ZNF207: variants seen among roughly 807,000 people sequenced by gnomAD.
The protein encoded by ZNF207 is zinc finger protein 207.
ZNF207 carries 24 observed loss-of-function variants against 60.2 expected under a neutral mutation model. The ratio of observed to expected loss-of-function variants is 0.40; its 90% CI spans 0.29 to 0.56. The LOEUF is 0.56. Among genes scored for constraint, ZNF207 ranks in the 20% least tolerant of loss-of-function variants. ZNF207 has a pLI of 0.49. For synonymous variants in ZNF207, 236 were observed against 194.7 expected (o/e 1.21, Z -1.77); for missense variants, 452 against 636.6 (o/e 0.71, Z 3.12).
Position 32,378,400 on chromosome 17 carries a change from C to G in ZNF207, c.*8641C>G, listed in dbSNP as rs1300650709. 1 of 152,024 alleles carries G rather than the reference C, an allele frequency of 6.6e-6. No homozygotes were observed. The highest frequency in any genetic ancestry group is 2.4e-5 in the African/African-American group (1 of 41,432). 9.4% of individuals were successfully genotyped at this position (152,024 alleles called of 1,614,324 possible). A position where few individuals can be genotyped will look rare whatever the true frequency, so the allele number is the denominator to read the frequency against. On this transcript the variant is annotated 3_prime_UTR_variant, in exon 12 of 12. Coordinates refer to ENST00000394670, the MANE Select transcript of ZNF207 (RefSeq NM_001098507.2). ...AGAAAAAAGGCAAGTTTCCTCACATCTAGAAATGATAAATGGTGTACAGTC... is the reference window on the plus strand; with the variant it reads ...AGAAAAAAGGCAAGTTTCCTCACATGTAGAAATGATAAATGGTGTACAGTC...
Position 32,370,524 on chromosome 17 carries a change from A to G in ZNF207, c.*765A>G, listed in dbSNP as rs1905420056. On this transcript the variant is annotated 3_prime_UTR_variant, in exon 12 of 12. Coordinates refer to ENST00000394670, the MANE Select transcript of ZNF207 (RefSeq NM_001098507.2). The stretch of plus-strand genomic sequence containing the variant: ...GCTGCATGTTTTAAACTGAATTTGC[A>G]TAGAGTTGTATGTTAATGTTTCAGT... 6.6e-6 allele frequency: 1 copy of G among 152,260 alleles called. No individual in the cohort carries two copies. The highest frequency in any genetic ancestry group is 1.5e-5 in the Non-Finnish European group (1 of 68,042). 9.4% of individuals were successfully genotyped at this position (152,260 alleles called of 1,614,324 possible).
chr17:32,369,587 T>G lies in ZNF207; in HGVS notation c.1325-12T>G. 6.4e-7 allele frequency: 1 copy of G among 1,562,030 alleles called. No individual in the cohort carries two copies. The highest frequency in any genetic ancestry group is 8.7e-7 in the Non-Finnish European group (1 of 1,152,676). ...CAATCTATTTTTTTGTGTTTGAAAT[T>G]CTTGATTTTAGGTCAGTATGGTGGT... On this transcript the variant is annotated splice_polypyrimidine_tract_variant and intron_variant, in intron 11 of 11. Coordinates refer to ENST00000394670, the MANE Select transcript of ZNF207 (RefSeq NM_001098507.2).
At chr17:32,360,186 CAAAAA>C (rs1555606146) in intron 3 of ZNF207, among the ~76,000 whole-genome samples, 2 of 52,252 alleles carry the variant, frequency 3.8e-5, no homozygotes, top group African/African-American at 7.3e-5. Context: ...ACCCCCCCCC[CAAAAA>C]AAAAAAAAAA....
At chr17:32,361,646 A>G (rs1904885963) in intron 6 of ZNF207, 131 bp downstream of exon 6, 1 of 712,870 alleles carries the variant, frequency 1.4e-6, no homozygotes, top group East Asian at 3.0e-5. Context: ...CTTGCAAGCT[A>G]ATTAACACAG....
At chr17:32,350,504 C>T (rs569857301) in intron 1 of ZNF207, among the ~76,000 whole-genome samples, 178 bp downstream of exon 1, 1 of 152,136 alleles carries the variant, frequency 6.6e-6, no homozygotes, top group African/African-American at 2.4e-5. Flanking sequence ...GTTCCGAGGT[C>T]GACAGGCTTT....
Position 32,360,778 on chromosome 17 carries a change from A to G in ZNF207, c.475+13A>G. On this transcript the variant is annotated intron_variant, in intron 4 of 11. Transcript: ENST00000394670. The stretch of plus-strand genomic sequence containing the variant: ...GGAATGCCTCCAGGTAGCACATAGG[A>G]TTGCTTAAAATCTAACATTTTTAGG... 1 of 1,613,152 alleles carries G rather than the reference A, an allele frequency of 6.2e-7. No homozygotes were observed. The highest frequency in any genetic ancestry group is 8.5e-7 in the Non-Finnish European group (1 of 1,179,368).
At chr17:32,351,308 C>G (rs942015278) in intron 1 of ZNF207, 13 of 389,480 alleles carry the variant, frequency 3.3e-5, no homozygotes, top group Non-Finnish European at 3.8e-6. Context: ...ATTGTTCATT[C>G]GAAATTATGT....
chr17:32,354,651 C>T (rs1455093973), intron 2 of ZNF207, among the ~76,000 whole-genome samples: 2 of 150,746 alleles, frequency 1.3e-5, no homozygotes, highest in South Asian at 2.1e-4. Flanking sequence ...GAGTCTCTTT[C>T]GTCCAGGCTG....
At chr17:32,364,619 A>G (rs1047558374) in intron 7 of ZNF207, among the ~76,000 whole-genome samples, 3 of 152,062 alleles carry the variant, frequency 2.0e-5, no homozygotes, top group African/African-American at 4.8e-5. Flanking sequence ...CGGCCTCCCA[A>G]AGTGCTGGGA....
Position 32,381,320 on chromosome 17 carries a change from A to G in ZNF207, c.*11561A>G, listed in dbSNP as rs1220249037. On this transcript the variant is annotated 3_prime_UTR_variant, in exon 12 of 12. Coordinates refer to ENST00000394670, the MANE Select transcript of ZNF207 (RefSeq NM_001098507.2). ...GCATGATAAATGTTAGTCCATGTGT[A>G]TTATTAAATGGTCTAAAGAAAAATC... 3 of 152,244 alleles carry G rather than the reference A, an allele frequency of 2.0e-5. No individual in the cohort carries two copies. The highest frequency in any genetic ancestry group is 7.2e-5 in the African/African-American group (3 of 41,460). 9.4% of individuals were successfully genotyped at this position (152,244 alleles called of 1,614,324 possible).
chr17:32,378,947 A>ATT lies in ZNF207; in HGVS notation c.*9189_*9190insTT, dbSNP rs1158907415. On this transcript the variant is annotated 3_prime_UTR_variant, in exon 12 of 12. Transcript: ENST00000394670. ...AGACGATCTAGCCATAAAACTAGTA[A>ATT]TCTTGAATTCCTCTTGAGCTGGATG... The ATT allele has an allele frequency of 6.6e-6, 1 of 152,106 alleles. No homozygotes were observed. The highest frequency in any genetic ancestry group is 2.4e-5 in the African/African-American group (1 of 41,456). 9.4% of individuals were successfully genotyped at this position (152,106 alleles called of 1,614,324 possible).
chr17:32,357,766 A>C (rs1429929089), intron 2 of ZNF207, among the ~76,000 whole-genome samples: 6 of 151,468 alleles, frequency 4.0e-5, no homozygotes, highest in East Asian at 3.9e-4. Context: ...CTGTCGAGTG[A>C]CTGGGATTAT....
chr17:32,366,350 T>C (rs1905161324), intron 8 of ZNF207, among the ~76,000 whole-genome samples: 1 of 152,196 alleles, frequency 6.6e-6, no homozygotes, highest in Admixed American at 6.5e-5. Context: ...TGATACAGAA[T>C]TGGATTGAAG....
chr17:32,357,336 A>ATTTTTTT (rs1419043137), intron 2 of ZNF207, among the ~76,000 whole-genome samples: 6 of 87,868 alleles, frequency 6.8e-5, no homozygotes, highest in Middle Eastern at 5.2e-3. Context: ...TATTATTATT[A>ATTTTTTT]TTATTATTAT....
rs1309237207 is a variant in ZNF207, at chr17:32,379,409, T to G, written c.*9650T>G. On this transcript the variant is annotated 3_prime_UTR_variant, in exon 12 of 12. Transcript: ENST00000394670. ...AGTTCACTTTTTTCTGACCTTCACT[T>G]AACAGACTATAAATACAAAAACTTT... is the stretch of plus-strand genomic sequence containing the variant. 1 of 152,150 alleles carries G rather than the reference T, an allele frequency of 6.6e-6. No individual in the cohort carries two copies. Among genetic ancestry groups the G allele is most frequent in the African/African-American group, 2.4e-5 (1 of 41,464 alleles). 9.4% of individuals were successfully genotyped at this position (152,150 alleles called of 1,614,324 possible). A position where few individuals can be genotyped will look rare whatever the true frequency, so the allele number is the denominator to read the frequency against.
Position 32,360,729 on chromosome 17 carries a change from C to T in ZNF207, c.439C>T (p.Leu147=), listed in dbSNP as rs143847701. The part of the protein sequence containing the change: ...GYIPPMAQPG[L]PPVPGAPGMP... Reference sequence around the variant, plus strand: ...TATTCCTCCAATGGCACAGCCAGGACTGCCACCAGTACCAGGAGCACCAGG... The same window carrying T: ...TATTCCTCCAATGGCACAGCCAGGATTGCCACCAGTACCAGGAGCACCAGG... The change falls in exon 4 of 12, where the codon CTG becomes TTG. Residue 147 remains leucine (L), a synonymous_variant. Transcript: ENST00000394670. The T allele has an allele frequency of 5.6e-6, 9 of 1,614,122 alleles. No individual in the cohort carries two copies. The highest frequency in any genetic ancestry group is 7.6e-6 in the Non-Finnish European group (9 of 1,180,018).
chr17:32,350,183 T>C lies in ZNF207; in HGVS notation c.-103T>C. ...TCGGCCATTTTGTGTCTGCTTCCTG[T>C]GGGACGTGGTGGTAGCCGTTGGGTT... On this transcript the variant is annotated 5_prime_UTR_variant, in exon 1 of 12. Coordinates refer to ENST00000394670, the MANE Select transcript of ZNF207 (RefSeq NM_001098507.2). The C allele has an allele frequency of 6.5e-7, 1 of 1,549,072 alleles. No individual in the cohort carries two copies. The highest frequency in any genetic ancestry group is 8.9e-7 in the Non-Finnish European group (1 of 1,123,276).
chr17:32,360,255 C>T (rs924606896), intron 3 of ZNF207, among the ~76,000 whole-genome samples: 3 of 138,160 alleles, frequency 2.2e-5, no homozygotes, highest in Admixed American at 7.6e-5. Flanking sequence ...GAGACTGTGG[C>T]GGGAGGATCG....
chr17:32,365,532 A>G (rs1273409318), intron 8 of ZNF207, 45 bp downstream of exon 8: 1 of 1,595,696 alleles, frequency 6.3e-7, no homozygotes, highest in Admixed American at 1.8e-5. Context: ...ATTTAAAGAT[A>G]AAGTACAGTT....
Sources: gnomAD v4.1 joint callset for allele counts (sites outside exome capture counted in the v4.1 genomes callset) on GRCh38, gnomAD v4.1.1 for gene constraint, MANE v1.5 for transcripts, NCBI Gene and HGNC (gene_info 2026-07-23, HGNC 2026-07-21) for gene names.